The following BBS9 variants were observed in gnomAD, a reference collection of about 807,000 sequenced individuals.
The protein encoded by BBS9 is Bardet-Biedl syndrome 9.
Under a neutral mutation model 117.7 loss-of-function variants are expected in BBS9, and 89 were observed. The observed-to-expected ratio is 0.76, with a 90% CI of 0.64 to 0.90. The LOEUF is 0.90. BBS9 is among the 40% of genes least tolerant of loss of function. The probability of loss-of-function intolerance (pLI) is 0.00; values close to 1 mark genes in which losing one functional copy is unlikely to be tolerated. For missense variants in BBS9, 982 were observed against 1,042.2 expected, an observed-to-expected ratio of 0.94 and a Z score of 0.80; for synonymous variants, 379 against 370.9, an observed-to-expected ratio of 1.02 and a Z score of -0.25.
At chr7:33,258,965 A>G (rs1797528423) in intron 6 of BBS9, among the ~76,000 whole-genome samples, 1 of 152,182 alleles carries the variant, frequency 6.6e-6, no homozygotes, top group East Asian at 1.9e-4. Flanking sequence ...CACGTTATGC[A>G]TTATGTGGCT....
At chr7:33,155,560 T>C in intron 3 of BBS9, 78 bp from the exon 4 acceptor site, 1 of 956,298 alleles carries the variant, frequency 1.0e-6, no homozygotes, top group Non-Finnish European at 1.7e-6. Flanking sequence ...ATGAGATCTT[T>C]TTGAAATTAT....
chr7:33,233,844 TGC>T (rs1323667891), intron 5 of BBS9, among the ~76,000 whole-genome samples: 1 of 152,166 alleles, frequency 6.6e-6, no homozygotes, highest in African/African-American at 2.4e-5. Flanking sequence ...TGCCAGCACG[TGC>T]TTCTATTTAC....
At chr7:33,632,734 C>T (rs188615765) in intron 21 of BBS9, among the ~76,000 whole-genome samples, 76 of 152,192 alleles carry the variant, frequency 5.0e-4, no homozygotes, top group African/African-American at 1.8e-3. Flanking sequence ...TAGGGGCCTC[C>T]GTGTGTTGGC....
intron 5 of BBS9, among the ~76,000 whole-genome samples, chr7:33,193,331 G>A (rs1218376970): frequency 2.0e-5 from 3 of 151,258 alleles, no homozygotes; most frequent in African/African-American, 7.3e-5. Flanking sequence ...TCAGTAGTGT[G>A]AAATGTTTTT....
chr7:33,460,105 C>T (rs1458701986), intron 19 of BBS9, among the ~76,000 whole-genome samples: 2 of 152,096 alleles, frequency 1.3e-5, no homozygotes, highest in Non-Finnish European at 2.9e-5. Context: ...TTCATAGCCT[C>T]CTACAGCTGA....
intron 21 of BBS9, among the ~76,000 whole-genome samples, chr7:33,551,116 T>C (rs971985718): frequency 1.3e-5 from 2 of 152,188 alleles, no homozygotes; most frequent in Admixed American, 6.5e-5. Context: ...GCTTGTTGGT[T>C]GCTCTAAGAT....
chr7:33,387,285 G>A (rs1206066226), intron 18 of BBS9, among the ~76,000 whole-genome samples: 1 of 152,046 alleles, frequency 6.6e-6, no homozygotes, highest in Non-Finnish European at 1.5e-5. Context: ...AGAGGTATTT[G>A]TATTAACTTT....
chr7:33,567,552 C>A (rs1031123572), intron 21 of BBS9, among the ~76,000 whole-genome samples: 7 of 152,116 alleles, frequency 4.6e-5, no homozygotes, highest in Non-Finnish European at 7.4e-5. Flanking sequence ...CTCTGCTTAG[C>A]CTGAGAAGTT....
At chr7:33,228,269 ATATCCTTTTTTGAGAATTGTC>A (rs1791677893) in intron 5 of BBS9, among the ~76,000 whole-genome samples, 1 of 152,102 alleles carries the variant, frequency 6.6e-6, no homozygotes, top group Non-Finnish European at 1.5e-5. Flanking sequence ...GACTGTTTGT[ATATCCTTTTTTGAGAATTGTC>A]TATTCATGTC....
rs552550858 is a variant in BBS9, at chr7:33,319,079, C to T, written c.1017-17362C>T. Among the ~76,000 whole-genome samples the T allele has an allele frequency of 7.2e-5, 11 of 151,838 alleles. No homozygotes were observed. The South Asian group carries it at 2.3e-3, about 32-fold the overall frequency. On this transcript the variant is annotated intron_variant, in intron 9 of 22. Transcript: ENST00000242067. ...TTGGGAGGCTGAGGCAGGAGAATCG[C>T]TTGAACCTGAGAGGCAGAGGTTGCA...
At chr7:33,232,165 A>AT in intron 5 of BBS9, among the ~76,000 whole-genome samples, 1 of 152,142 alleles carries the variant, frequency 6.6e-6, no homozygotes, top group East Asian at 1.9e-4. Flanking sequence ...CTTTGGTACT[A>AT]TTATACATTT....
At chr7:33,426,557 TTA>T (rs1345288337) in intron 19 of BBS9, among the ~76,000 whole-genome samples, 1 of 149,130 alleles carries the variant, frequency 6.7e-6, no homozygotes, top group Non-Finnish European at 1.5e-5. Context: ...CTGGGAGATA[TTA>T]ATAGATGTTC....
intron 14 of BBS9, chr7:33,352,111 T>A (rs1818781353): frequency 6.5e-6 from 1 of 152,792 alleles, no homozygotes; most frequent in Non-Finnish European, 1.5e-5. Flanking sequence ...CCTACCTCTA[T>A]CAGTATGAAT....
chr7:33,288,552 G>A (rs1231483117), intron 9 of BBS9, among the ~76,000 whole-genome samples: 1 of 152,194 alleles, frequency 6.6e-6, no homozygotes, highest in African/African-American at 2.4e-5. Flanking sequence ...TAAAAGCTTT[G>A]CTTAGTGAAG....
rs188371821 is a variant in BBS9, at chr7:33,273,093, G to A, written c.784G>A (p.Val262Ile). Residue 262 changes from valine to isoleucine, a missense_variant, in exon 8 of 23, where the codon GTT becomes ATT. Val to Ile is a conservative substitution (Grantham distance 29). Transcript: ENST00000242067. ...CAATCAGTCGGCATCCTCTGTTTTT[G>A]TTCTTGGTGAGAGAAACTTTTTTTG... Reference protein sequence around the residue: ...SFNQSASSVFVLGERNFFCLK... With the variant: ...SFNQSASSVFILGERNFFCLK... The A allele has an allele frequency of 1.9e-6, 3 of 1,613,688 alleles. No individual in the cohort carries two copies. In the East Asian group the frequency reaches 6.7e-5, roughly 36 times the overall value.
chr7:33,521,363 T>A (rs1259363630), intron 20 of BBS9, among the ~76,000 whole-genome samples: 1 of 152,204 alleles, frequency 6.6e-6, no homozygotes. Context: ...TAGATTTTCA[T>A]CCAATAGGAG....
chr7:33,601,755 C>T (rs77381139), intron 21 of BBS9, among the ~76,000 whole-genome samples: 1,859 of 152,236 alleles, frequency 0.012, 16 homozygotes, highest in Non-Finnish European at 0.019. Flanking sequence ...TTGCAAGATA[C>T]GCAGTCATCA....
chr7:33,494,015 A>G (rs1351257511), intron 19 of BBS9, among the ~76,000 whole-genome samples: 1 of 152,196 alleles, frequency 6.6e-6, no homozygotes, highest in Admixed American at 6.5e-5. Context: ...GTTGCTGGAG[A>G]TACTAGTAGC....
At chr7:33,180,158 T>C (rs1406366242) in intron 5 of BBS9, among the ~76,000 whole-genome samples, 1 of 152,176 alleles carries the variant, frequency 6.6e-6, no homozygotes, top group East Asian at 1.9e-4. Flanking sequence ...CTCTGGCTCA[T>C]ACCCCTGTTC....
Sources: gnomAD v4.1 joint callset for allele counts (sites outside exome capture counted in the v4.1 genomes callset) on GRCh38, gnomAD v4.1.1 for gene constraint, MANE v1.5 for transcripts, NCBI Gene and HGNC (gene_info 2026-07-23, HGNC 2026-07-21) for gene names.